The following FRMD5 variants were observed in gnomAD, a reference collection of about 807,000 sequenced individuals.
FRMD5 encodes FERM domain containing 5.
A neutral mutation model predicts 69.0 loss-of-function variants in FRMD5; 20 were observed. The observed-to-expected ratio is 0.29, with a 90% CI of 0.20 to 0.42. FRMD5 has a LOEUF of 0.42. Ranked by LOEUF, FRMD5 falls within the 10% of genes least tolerant of loss-of-function variation. The probability of loss-of-function intolerance (pLI) is 1.00; values close to 1 mark genes in which losing one functional copy is unlikely to be tolerated. For missense variants in FRMD5, 595 were observed against 708.6 expected, an observed-to-expected ratio of 0.84 and a Z score of 1.82; for synonymous variants, 271 against 260.1, an observed-to-expected ratio of 1.04 and a Z score of -0.40.
chr15:44,132,428 G>C (rs1371635074), intron 1 of FRMD5, among the ~76,000 whole-genome samples: 2 of 152,102 alleles, frequency 1.3e-5, no homozygotes, highest in Admixed American at 1.3e-4. Flanking sequence ...TTATGAATGT[G>C]TGTGTGTGTA....
chr15:44,005,294 A>G (rs754938632), intron 1 of FRMD5, among the ~76,000 whole-genome samples: 1 of 152,102 alleles, frequency 6.6e-6, no homozygotes, highest in Non-Finnish European at 1.5e-5. Context: ...CAGCCTGGCC[A>G]ACATGGTGAA....
chr15:43,952,564 G>C (rs973376550), intron 1 of FRMD5, among the ~76,000 whole-genome samples: 2 of 152,194 alleles, frequency 1.3e-5, no homozygotes, highest in African/African-American at 4.8e-5. Flanking sequence ...CAGAGGGAAC[G>C]CTTGGGTGAC....
intron 1 of FRMD5, among the ~76,000 whole-genome samples, chr15:44,137,244 C>A (rs1228389985): frequency 2.0e-5 from 3 of 152,216 alleles, no homozygotes; most frequent in African/African-American, 7.2e-5. Flanking sequence ...ACCTCCTTAG[C>A]CACAGTCCAG....
chr15:43,995,684 G>C (rs1889886557), intron 1 of FRMD5, among the ~76,000 whole-genome samples: 1 of 151,800 alleles, frequency 6.6e-6, no homozygotes, highest in South Asian at 2.1e-4. Flanking sequence ...TGTAGGGGCT[G>C]GTCTGGAGCC....
At chr15:44,189,123 C>A (rs935822209) in intron 1 of FRMD5, among the ~76,000 whole-genome samples, 6 of 152,104 alleles carry the variant, frequency 3.9e-5, no homozygotes, top group Admixed American at 3.3e-4. Context: ...TTTAGTCTAA[C>A]GGTAGCAGGC....
chr15:43,974,807 T>C (rs934369100), intron 1 of FRMD5, among the ~76,000 whole-genome samples: 1 of 152,248 alleles, frequency 6.6e-6, no homozygotes, highest in African/African-American at 2.4e-5. Flanking sequence ...AAGGCTTCCT[T>C]TTTAATAAAA....
intron 1 of FRMD5, among the ~76,000 whole-genome samples, chr15:44,192,630 G>T (rs2078215079): frequency 6.6e-6 from 1 of 152,090 alleles, no homozygotes; most frequent in Admixed American, 6.6e-5. Flanking sequence ...GAAGGGAAAA[G>T]CTGATAAGAA....
chr15:43,909,431 C>A (rs1207604972), intron 5 of FRMD5, among the ~76,000 whole-genome samples: 1 of 150,480 alleles, frequency 6.6e-6, no homozygotes, highest in Non-Finnish European at 1.5e-5. Context: ...ACAAAAAAAA[C>A]TCTCTAACTT....
In FRMD5 at chr15:43,876,260, T is replaced by C; in HGVS notation, c.1136-1798A>G. On this transcript the variant is annotated intron_variant, in intron 13 of 13. Coordinates refer to ENST00000417257, the MANE Select transcript of FRMD5 (RefSeq NM_032892.5). ...TGGGCGGCATCTTGGAAGCTTGTTG[T>C]TGAACTCTGAACTCTGGGCCTGGTT... is the stretch of plus-strand genomic sequence containing the variant. 2.0e-6 allele frequency: 3 copies of C among 1,522,256 alleles called. No individual in the cohort carries two copies. In the South Asian group the frequency reaches 3.6e-5, roughly 18 times the overall value. The allele number at this position is 1,522,256 out of a possible 1,614,324, so 94.3% of individuals were successfully genotyped here.
intron 1 of FRMD5, among the ~76,000 whole-genome samples, chr15:44,124,747 T>G (rs2077003038): frequency 6.6e-6 from 1 of 152,056 alleles, no homozygotes; most frequent in African/African-American, 2.4e-5. Context: ...GACATGCTAT[T>G]TAAAACAGTG....
intron 1 of FRMD5, among the ~76,000 whole-genome samples, chr15:43,955,672 T>C (rs904247622): frequency 3.3e-5 from 5 of 152,234 alleles, no homozygotes; most frequent in Admixed American, 1.3e-4. Flanking sequence ...AATTTCTTAA[T>C]ACATTTCATA....
chr15:44,115,544 C>G (rs1290719987), intron 1 of FRMD5, among the ~76,000 whole-genome samples: 1 of 152,114 alleles, frequency 6.6e-6, no homozygotes, highest in Admixed American at 6.5e-5. Context: ...TATGAAACTA[C>G]AGATACATAT....
chr15:44,082,759 GA>G (rs1894047222), intron 1 of FRMD5, among the ~76,000 whole-genome samples: 1 of 151,896 alleles, frequency 6.6e-6, no homozygotes, highest in South Asian at 2.1e-4. Context: ...GTACTTAGAG[GA>G]AAAAAATCAC....
intron 1 of FRMD5, among the ~76,000 whole-genome samples, chr15:44,066,602 T>C (rs1225562338): frequency 6.6e-6 from 1 of 152,130 alleles, no homozygotes; most frequent in Non-Finnish European, 1.5e-5. Context: ...TGAGAGAACA[T>C]GTTATGAAGG....
intron 1 of FRMD5, among the ~76,000 whole-genome samples, chr15:44,070,704 T>C (rs1046155358): frequency 2.0e-5 from 3 of 152,232 alleles, no homozygotes; most frequent in Non-Finnish European, 2.9e-5. Context: ...TTAACTTATG[T>C]AGTCCAACAT....
intron 1 of FRMD5, among the ~76,000 whole-genome samples, chr15:43,964,886 C>T (rs995479711): frequency 7.9e-5 from 12 of 152,110 alleles, no homozygotes; most frequent in Admixed American, 4.6e-4. Flanking sequence ...TCAGAAGACT[C>T]GGAGTTGGCA....
At chr15:44,107,401 A>G (rs2076735432) in intron 1 of FRMD5, among the ~76,000 whole-genome samples, 1 of 152,246 alleles carries the variant, frequency 6.6e-6, no homozygotes, top group Non-Finnish European at 1.5e-5. Context: ...CGAAACCTTA[A>G]GTAAAAATTG....
chr15:43,908,610 C>G (rs597705), intron 5 of FRMD5, among the ~76,000 whole-genome samples: 41,291 of 151,942 alleles, frequency 0.27, 10,694 homozygotes, highest in African/African-American at 0.68. Flanking sequence ...TTAGTGCTGT[C>G]GTCCAAAATG....
intron 1 of FRMD5, among the ~76,000 whole-genome samples, chr15:44,049,136 T>C (rs1374819114): frequency 6.6e-6 from 1 of 152,188 alleles, no homozygotes; most frequent in Non-Finnish European, 1.5e-5. Flanking sequence ...GCAACTGAAA[T>C]CCACAGATGA....
Sources: gnomAD v4.1 joint callset for allele counts (sites outside exome capture counted in the v4.1 genomes callset) on GRCh38, gnomAD v4.1.1 for gene constraint, MANE v1.5 for transcripts, NCBI Gene and HGNC (gene_info 2026-07-23, HGNC 2026-07-21) for gene names.